The following SOS2 variants were observed in gnomAD, a reference collection of about 807,000 sequenced individuals.
SOS2 encodes the protein SOS Ras/Rho guanine nucleotide exchange factor 2.
SOS2 carries 65 observed loss-of-function variants against 148.2 expected under a neutral mutation model. The ratio of observed to expected loss-of-function variants is 0.44; its 90% CI spans 0.36 to 0.54. SOS2 has a LOEUF of 0.54. Among genes scored for constraint, SOS2 ranks in the 20% least tolerant of loss-of-function variants. SOS2 has a pLI of 0.00. For missense variants in SOS2, 1,341 were observed against 1,590.2 expected, an observed-to-expected ratio of 0.84 and a Z score of 2.67; for synonymous variants, 539 against 537.1, an observed-to-expected ratio of 1.00 and a Z score of -0.05.
At chr14:50,139,192 T>G (rs1170721093) in intron 17 of SOS2, among the ~76,000 whole-genome samples, 1 of 152,230 alleles carries the variant, frequency 6.6e-6, no homozygotes, top group Non-Finnish European at 1.5e-5. Context: ...CAATTTTGGT[T>G]AATAAGTCTA....
At chr14:50,160,495 T>C (rs1566831670) in intron 9 of SOS2, among the ~76,000 whole-genome samples, 1 of 146,026 alleles carries the variant, frequency 6.8e-6, no homozygotes, top group Non-Finnish European at 1.5e-5. Flanking sequence ...TAAGTGATTC[T>C]CCTGCCTCAG....
intron 1 of SOS2, among the ~76,000 whole-genome samples, chr14:50,213,698 T>C (rs1467185823): frequency 2.1e-5 from 3 of 144,790 alleles, no homozygotes; most frequent in Non-Finnish European, 3.0e-5. Context: ...ACCCCAAAAA[T>C]AGCATTTACA....
chr14:50,204,482 TATATA>T (rs1192563886), intron 1 of SOS2, 73 bp from the exon 2 acceptor site: 10 of 901,722 alleles, frequency 1.1e-5, no homozygotes, highest in Admixed American at 2.6e-5. Flanking sequence ...GAGAATCTTA[TATATA>T]ATATTTTACT....
chr14:50,194,632 G>C (rs1384465425), intron 4 of SOS2, among the ~76,000 whole-genome samples: 2 of 150,372 alleles, frequency 1.3e-5, no homozygotes, highest in South Asian at 2.1e-4. Flanking sequence ...AAAAATATTA[G>C]CCAGGCATGG....
At chr14:50,135,089 A>AAAAAG (rs1555368583) in intron 18 of SOS2, among the ~76,000 whole-genome samples, 29 of 131,524 alleles carry the variant, frequency 2.2e-4, no homozygotes, top group African/African-American at 7.6e-4. Flanking sequence ...AAAAAAAAAA[A>AAAAAG]AAAGAAAGAA....
rs775950608 is a variant in SOS2, at chr14:50,118,323, A to C, written c.*21T>G. The C allele has an allele frequency of 1.3e-6, 2 of 1,584,502 alleles. No individual in the cohort carries two copies. Among genetic ancestry groups the C allele is most frequent in the East Asian group, 2.2e-5 (1 of 44,460 alleles). ...ACTTTACAAATACCATTCCAGTGTCAATGACTACATATGGCTAAGGTCATT... is the reference window on the plus strand; with the variant it reads ...ACTTTACAAATACCATTCCAGTGTCCATGACTACATATGGCTAAGGTCATT... On this transcript the variant is annotated 3_prime_UTR_variant, in exon 23 of 23. Transcript: ENST00000216373.
Position 50,120,315 on chromosome 14 carries a change from G to A in SOS2, c.3449C>T (p.Pro1150Leu). The part of the protein sequence containing the change: ...SEEPLIPPPL[P>L]PRKKFDHDAS... ...ATCATGATCAAACTTTTTTCGAGGA[G>A]GAAGAGGAGGAGGAATCAGGGGCTC... The change falls in exon 22 of 23, where the codon CCT (proline) becomes CTT (leucine). Residue 1150 changes from proline (P) to leucine (L), a missense_variant. By Grantham distance (98) the Pro-to-Leu change is moderately conservative. Around this residue, in one of 4 missense-constraint regions of SOS2, gnomAD observed 354 missense variants for 347.7 expected, o/e 1.02. Transcript: ENST00000216373. The A allele has an allele frequency of 6.2e-7, 1 of 1,607,302 alleles. No individual in the cohort carries two copies. Among genetic ancestry groups the A allele is most frequent in the Non-Finnish European group, 8.5e-7 (1 of 1,175,378 alleles).
At chr14:50,173,246 T>C (rs919902340) in intron 8 of SOS2, among the ~76,000 whole-genome samples, 1 of 152,170 alleles carries the variant, frequency 6.6e-6, no homozygotes, top group African/African-American at 2.4e-5. Flanking sequence ...TACGACTTTT[T>C]CCGTCTAATC....
intron 21 of SOS2, among the ~76,000 whole-genome samples, chr14:50,127,465 C>T (rs886853483): frequency 6.6e-6 from 1 of 152,194 alleles, no homozygotes; most frequent in Admixed American, 6.5e-5. Context: ...TATAACAAAG[C>T]TCCTTGCCCT....
At chr14:50,151,265 G>A (rs889631280) in intron 13 of SOS2, among the ~76,000 whole-genome samples, 1 of 152,154 alleles carries the variant, frequency 6.6e-6, no homozygotes, top group African/African-American at 2.4e-5. Flanking sequence ...CTGCTTTATT[G>A]CATATTTTTG....
chr14:50,201,074 T>A lies in SOS2; in HGVS notation c.224A>T (p.Gln75Leu). ...RTVQDVEERV[Q>L]KTFPHPIDKW... ...ATCAATTGGGTGAGGAAAGGTCTTC[T>A]GAACTCGCTCCTGCTCAATCACAGC... The change falls in exon 3 of 23, where the codon CAG (glutamine) becomes CTG (leucine). Residue 75 changes from glutamine (Q) to leucine (L), a missense_variant. By Grantham distance (113) the Gln-to-Leu change is moderately radical. Transcript: ENST00000216373. 1 of 1,613,820 alleles carries A rather than the reference T, an allele frequency of 6.2e-7. No individual in the cohort carries two copies. The highest frequency in any genetic ancestry group is 8.5e-7 in the Non-Finnish European group (1 of 1,179,816).
At chr14:50,172,595 T>G (rs1432577225) in intron 8 of SOS2, among the ~76,000 whole-genome samples, 1 of 151,882 alleles carries the variant, frequency 6.6e-6, no homozygotes, top group Non-Finnish European at 1.5e-5. Context: ...CTCAAACTCC[T>G]AGCCTCAAGT....
In SOS2 at chr14:50,179,993, ATTT is replaced by A. The variant is rs1362526327; in HGVS notation, c.969+576_969+578del. On this transcript the variant is annotated intron_variant, in intron 7 of 22. Coordinates refer to ENST00000216373, the MANE Select transcript of SOS2 (RefSeq NM_006939.4). Reference sequence around the variant, plus strand: ...GAAATCACACTCCAGATTCATCTTTATTTTTTATTTATTTTTCTATTTATTTTT... The same window carrying A: ...GAAATCACACTCCAGATTCATCTTTATTTATTTATTTTTCTATTTATTTTT... Among the ~76,000 whole-genome samples, 9 of 151,356 alleles carry A rather than the reference ATTT, an allele frequency of 5.9e-5. No individual in the cohort carries two copies. In the South Asian group the frequency reaches 6.3e-4, roughly 11 times the overall value.
intron 2 of SOS2, among the ~76,000 whole-genome samples, chr14:50,202,094 C>T (rs73289666): frequency 0.22 from 32,912 of 152,090 alleles, 3,927 homozygotes; most frequent in East Asian, 0.44. Flanking sequence ...TCCCGAGTAG[C>T]TGGGACTACA....
intron 16 of SOS2, among the ~76,000 whole-genome samples, chr14:50,141,032 G>A (rs907308807): frequency 2.8e-4 from 42 of 151,090 alleles, no homozygotes; most frequent in Admixed American, 1.1e-3. Flanking sequence ...GTGAAACCCC[G>A]TCTCTACTAA....
chr14:50,128,546 T>C (rs1452172324), intron 21 of SOS2, among the ~76,000 whole-genome samples: 1 of 152,148 alleles, frequency 6.6e-6, no homozygotes, highest in East Asian at 1.9e-4. Flanking sequence ...TGGTTAAGTA[T>C]AGGCAGGGTA....
intron 8 of SOS2, among the ~76,000 whole-genome samples, chr14:50,162,278 G>A (rs1203302043): frequency 2.0e-5 from 3 of 152,074 alleles, no homozygotes; most frequent in Non-Finnish European, 1.5e-5. Flanking sequence ...TGGGACCACA[G>A]TTGCATGCCA....
chr14:50,160,142 A>T, intron 9 of SOS2, 56 bp from the exon 10 acceptor site: 1 of 1,325,376 alleles, frequency 7.5e-7, no homozygotes, highest in South Asian at 1.4e-5. Flanking sequence ...AATGGTTTCA[A>T]GCATAAACCA....
intron 5 of SOS2, among the ~76,000 whole-genome samples, chr14:50,187,345 C>CTTTTTT (rs5808541): frequency 8.7e-6 from 1 of 115,160 alleles, no homozygotes; most frequent in African/African-American, 3.2e-5. Context: ...ATTATTGTTA[C>CTTTTTT]TTTTTTTTTT....
Sources: gnomAD v4.1 joint callset for allele counts (sites outside exome capture counted in the v4.1 genomes callset) on GRCh38, gnomAD v4.1.1 for gene constraint, gnomAD v4.1.1 regional missense constraint, MANE v1.5 for transcripts, NCBI Gene and HGNC (gene_info 2026-07-23, HGNC 2026-07-21) for gene names.